The following CD3E variants were observed in gnomAD, a reference collection of about 807,000 sequenced individuals.
The protein encoded by CD3E is T-cell surface glycoprotein CD3 epsilon chain.
Under a neutral mutation model 34.7 loss-of-function variants are expected in CD3E, and 16 were observed. The observed-to-expected ratio is 0.46, with a 90% CI of 0.31 to 0.70. The LOEUF (loss-of-function observed/expected upper bound fraction) is 0.70, where lower values mean the gene tolerates loss of function less well. Among genes scored for constraint, CD3E ranks in the 30% least tolerant of loss-of-function variants. The probability of loss-of-function intolerance (pLI) is 0.05; values close to 1 mark genes in which losing one functional copy is unlikely to be tolerated. For synonymous variants in CD3E, 70 were observed against 90.8 expected (o/e 0.77, Z 1.30); for missense variants, 223 against 253.9 (o/e 0.88, Z 0.83).
Position 118,313,780 on chromosome 11 carries a change from G to A in CD3E, c.426G>A (p.Gly142=). ...TIVIVDICIT[G]GLLLLVYYWS... ...TCATAGTGGACATCTGCATCACTGG[G>A]GGCTTGCTGCTGCTGGTTTACTACT... The change falls in exon 7 of 9, where the codon GGG becomes GGA. Residue 142 remains glycine (G), a synonymous_variant. Coordinates refer to ENST00000361763, the MANE Select transcript of CD3E (RefSeq NM_000733.4). The A allele has an allele frequency of 2.5e-6, 4 of 1,614,162 alleles. No homozygotes were observed. The highest frequency in any genetic ancestry group is 2.5e-6 in the Non-Finnish European group (3 of 1,180,046).
Position 118,315,557 on chromosome 11 carries a change from C to G in CD3E, c.*15C>G, listed in dbSNP as rs749302779. 6.2e-7 allele frequency: 1 copy of G among 1,605,602 alleles called. No homozygotes were observed. Among genetic ancestry groups the G allele is most frequent in the South Asian group, 1.1e-5 (1 of 89,420 alleles). ...GACGCATCTGACCCTCTGGAGAACA[C>G]TGCCTCCCGCTGGCCCAGGTCTCCT... On this transcript the variant is annotated 3_prime_UTR_variant, in exon 9 of 9. Coordinates refer to ENST00000361763, the MANE Select transcript of CD3E (RefSeq NM_000733.4).
intron 2 of CD3E, among the ~76,000 whole-genome samples, chr11:118,306,909 C>T (rs1427490467): frequency 6.6e-6 from 1 of 152,180 alleles, no homozygotes; most frequent in African/African-American, 2.4e-5. Context: ...TGTTTGTACC[C>T]AACCAAGAGC....
intron 4 of CD3E, among the ~76,000 whole-genome samples, chr11:118,311,890 T>G (rs1247861488): frequency 6.6e-6 from 1 of 152,186 alleles, no homozygotes; most frequent in African/African-American, 2.4e-5. Context: ...CTTCAGTAGA[T>G]CTAGATCTAG....
Position 118,315,644 on chromosome 11 carries a change from G to T in CD3E, c.*102G>T. 1 of 1,045,704 alleles carries T rather than the reference G, an allele frequency of 9.6e-7. No homozygotes were observed. The highest frequency in any genetic ancestry group is 1.4e-6 in the Non-Finnish European group (1 of 691,182). The allele number at this position is 1,045,704 out of a possible 1,614,324, so 64.8% of individuals were successfully genotyped here. A position where few individuals can be genotyped will look rare whatever the true frequency, so the allele number is the denominator to read the frequency against. On this transcript the variant is annotated 3_prime_UTR_variant, in exon 9 of 9. Coordinates refer to ENST00000361763, the MANE Select transcript of CD3E (RefSeq NM_000733.4). ...GTCTTGGACCCCACGAGAGAGAATC[G>T]TTCCTCAGCCTCATGGTGAACTCGC... is the stretch of plus-strand genomic sequence containing the variant.
Position 118,313,783 on chromosome 11 carries a change from C to T in CD3E, c.429C>T (p.Gly143=). Residue 143 remains glycine, a synonymous_variant, in exon 7 of 9, where the codon GGC becomes GGT. Coordinates refer to ENST00000361763, the MANE Select transcript of CD3E (RefSeq NM_000733.4). ...TAGTGGACATCTGCATCACTGGGGG[C>T]TTGCTGCTGCTGGTTTACTACTGGA... The part of the protein sequence containing the change: ...IVIVDICITG[G]LLLLVYYWSK... 1 of 1,614,112 alleles carries T rather than the reference C, an allele frequency of 6.2e-7. No individual in the cohort carries two copies. Among genetic ancestry groups the T allele is most frequent in the Non-Finnish European group, 8.5e-7 (1 of 1,180,022 alleles).
At chr11:118,313,657 G>C (rs1358098272) in intron 6 of CD3E, 50 bp from the exon 7 acceptor site, 1 of 1,583,506 alleles carries the variant, frequency 6.3e-7, no homozygotes, top group Admixed American at 1.7e-5. Flanking sequence ...CCAGCGCCTT[G>C]TGTTTTCCTT....
intron 7 of CD3E, among the ~76,000 whole-genome samples, chr11:118,314,202 C>T (rs1948152519): frequency 6.6e-6 from 1 of 152,114 alleles, no homozygotes; most frequent in Non-Finnish European, 1.5e-5. Flanking sequence ...CCTTTCCCTT[C>T]CCCTATGGAG....
At chr11:118,314,109 C>T (rs1438676778) in intron 7 of CD3E, among the ~76,000 whole-genome samples, 1 of 152,172 alleles carries the variant, frequency 6.6e-6, no homozygotes, top group East Asian at 1.9e-4. Context: ...GGCTTCCTCA[C>T]ATACCTGTCA....
intron 6 of CD3E, 187 bp from the exon 7 acceptor site, chr11:118,313,520 C>T: frequency 1.6e-6 from 1 of 638,658 alleles, no homozygotes; most frequent in South Asian, 1.8e-5. Flanking sequence ...GACTCCAGTG[C>T]CTCTACCCAC....
intron 5 of CD3E, 185 bp downstream of exon 5, chr11:118,312,355 C>G (rs1470453761): frequency 1.3e-6 from 1 of 753,350 alleles, no homozygotes; most frequent in Non-Finnish European, 2.3e-6. Context: ...TCCATCTTAC[C>G]CTTCCCAAGT....
At position 118,304,979 on chromosome 11, in the gene CD3E, T is replaced by C. The variant is rs200915775; in HGVS notation, c.27T>C (p.Val9=). MQSGTHWR[V]LGLCLLSVGV... is the part of the protein sequence containing the mutation. The stretch of plus-strand genomic sequence containing the variant: ...TGCAGTCGGGCACTCACTGGAGAGT[T>C]CTGGGCCTCTGCCTCTTATCAGGTG... The change falls in exon 2 of 9, where the codon GTT becomes GTC. Residue 9 remains valine, a synonymous_variant. Transcript: ENST00000361763. 6.2e-7 allele frequency: 1 copy of C among 1,614,032 alleles called. No individual in the cohort carries two copies. Among genetic ancestry groups the C allele is most frequent in the African/African-American group, 1.3e-5 (1 of 75,062 alleles).
At chr11:118,308,295 A>G (rs1393451853) in intron 3 of CD3E, 132 bp from the exon 4 acceptor site, 10 of 739,246 alleles carry the variant, frequency 1.4e-5, no homozygotes, top group Admixed American at 6.0e-5. Context: ...AGCTTTTTCT[A>G]TGCAGCTGAG....
intron 8 of CD3E, among the ~76,000 whole-genome samples, chr11:118,315,248 C>G (rs1332707842): frequency 6.6e-6 from 1 of 152,170 alleles, no homozygotes; most frequent in Non-Finnish European, 1.5e-5. Context: ...TTAGCCCTGA[C>G]AGAAGCCCTG....
chr11:118,314,504 G>T lies in CD3E; in HGVS notation c.567+10G>T, dbSNP rs920180688. 5.0e-6 allele frequency: 8 copies of T among 1,613,384 alleles called. No homozygotes were observed. In the African/African-American group the frequency reaches 9.3e-5, roughly 19 times the overall value. ...CAACCCAGACTATGAGGTAACGTGG[G>T]ATAGAAATGGGCCAGGACGCTGGAG... On this transcript the variant is annotated intron_variant, in intron 8 of 8. Transcript: ENST00000361763.
chr11:118,307,442 C>T (rs1215978735), intron 3 of CD3E, 134 bp downstream of exon 3: 1 of 733,342 alleles, frequency 1.4e-6, no homozygotes, highest in East Asian at 2.6e-5. Context: ...CCATCTACCC[C>T]TTTGACTTTC....
chr11:118,307,185 A>G lies in CD3E; in HGVS notation c.50-103A>G, dbSNP rs1490559576. 4.8e-6 allele frequency: 4 copies of G among 839,164 alleles called. No individual in the cohort carries two copies. The Admixed American group carries it at 8.0e-5, about 17-fold the overall frequency. The allele number at this position is 839,164 out of a possible 1,614,324, so 52.0% of individuals were successfully genotyped here. ...CCCAGCAGCAAGAGGGAAGGACATCAGATGTCATCAGTGGTCATACTGCAA... is the reference window on the plus strand; with the variant it reads ...CCCAGCAGCAAGAGGGAAGGACATCGGATGTCATCAGTGGTCATACTGCAA... On this transcript the variant is annotated intron_variant, in intron 2 of 8. Coordinates refer to ENST00000361763, the MANE Select transcript of CD3E (RefSeq NM_000733.4).
At position 118,304,748 on chromosome 11, in the gene CD3E, C is replaced by A. The variant is rs201179937; in HGVS notation, c.-88C>A. The stretch of plus-strand genomic sequence containing the variant: ...GGGGTTCAGAAACCCTCCTCCCCTC[C>A]CAGCCTCAGGTGCCTGCTTCAGAAA... On this transcript the variant is annotated 5_prime_UTR_variant, in exon 1 of 9. Coordinates refer to ENST00000361763, the MANE Select transcript of CD3E (RefSeq NM_000733.4). 47 of 626,148 alleles carry A rather than the reference C, an allele frequency of 7.5e-5. No homozygotes were observed. In the Admixed American group the frequency reaches 7.9e-4, roughly 11 times the overall value. The allele number at this position is 626,148 out of a possible 1,614,324, so 38.8% of individuals were successfully genotyped here. A position where few individuals can be genotyped will look rare whatever the true frequency, so the allele number is the denominator to read the frequency against.
intron 8 of CD3E, among the ~76,000 whole-genome samples, chr11:118,314,954 C>T (rs1948157560): frequency 1.0e-5 from 1 of 96,330 alleles, no homozygotes; most frequent in African/African-American, 4.3e-5. Flanking sequence ...CCCTTACACA[C>T]ACACATACAC....
chr11:118,308,353 A>G (rs898653179), intron 3 of CD3E, 74 bp from the exon 4 acceptor site: 1 of 1,133,682 alleles, frequency 8.8e-7, no homozygotes, highest in Non-Finnish European at 1.3e-6. Context: ...AAGAGTCCCA[A>G]CCCACGGGAG....
Sources: gnomAD v4.1 joint callset for allele counts (sites outside exome capture counted in the v4.1 genomes callset) on GRCh38, gnomAD v4.1.1 for gene constraint, MANE v1.5 for transcripts, NCBI Gene and HGNC (gene_info 2026-07-23, HGNC 2026-07-21) for gene names.